Variants in STRN observed in about 807,000 individuals in gnomAD.
STRN encodes protein phosphatase 2 regulatory subunit B'''alpha.
A neutral mutation model predicts 96.3 loss-of-function variants in STRN; 53 were observed. The ratio of observed to expected loss-of-function variants is 0.55; its 90% CI spans 0.44 to 0.69. The LOEUF is 0.69. STRN is among the 30% of genes least tolerant of loss of function. The probability of loss-of-function intolerance (pLI) is 0.00; values close to 1 mark genes in which losing one functional copy is unlikely to be tolerated. For synonymous variants in STRN, 428 were observed against 355.9 expected (o/e 1.20, Z -2.28); for missense variants, 987 against 963.9 (o/e 1.02, Z -0.32).
intron 9 of STRN, among the ~76,000 whole-genome samples, chr2:36,882,929 G>T (rs376884293): frequency 1.3e-5 from 2 of 152,188 alleles, no homozygotes; most frequent in East Asian, 1.9e-4. Flanking sequence ...ATCAGACCTT[G>T]TGTCTAAAAG....
chr2:36,939,152 C>T (rs542674009), intron 1 of STRN, among the ~76,000 whole-genome samples: 4 of 151,930 alleles, frequency 2.6e-5, no homozygotes, highest in African/African-American at 9.6e-5. Context: ...CAGGTCAGGT[C>T]GATCTCCTGA....
intron 6 of STRN, among the ~76,000 whole-genome samples, chr2:36,894,622 G>C (rs531558086): frequency 6.6e-6 from 1 of 152,286 alleles, no homozygotes; most frequent in East Asian, 1.9e-4. Flanking sequence ...TGGGCCTAAA[G>C]AAATTAGGAT....
At chr2:36,908,710 A>C (rs570369472) in intron 3 of STRN, among the ~76,000 whole-genome samples, 2 of 152,188 alleles carry the variant, frequency 1.3e-5, no homozygotes. Flanking sequence ...GCAGTGGCTC[A>C]TGCCTGTAAT....
chr2:36,908,519 G>T (rs200667802), intron 3 of STRN, among the ~76,000 whole-genome samples: 1 of 152,146 alleles, frequency 6.6e-6, no homozygotes, highest in Non-Finnish European at 1.5e-5. Flanking sequence ...TGGTTGCCAG[G>T]GGATTAGCGT....
rs1667898873 is a variant in STRN at position 36,839,605 on chromosome 2, A to T, written c.*9851T>A. Among the ~76,000 whole-genome samples the T allele has an allele frequency of 6.6e-6, 1 of 152,224 alleles. No individual in the cohort carries two copies. Among genetic ancestry groups the T allele is most frequent in the Non-Finnish European group, 1.5e-5 (1 of 68,038 alleles). ...GGCAGATCTATTATCCCCATTTCAT[A>T]GATGAGAAGCCAATTTAGAAGAGTT... On this transcript the variant is annotated 3_prime_UTR_variant, in exon 18 of 18. Coordinates refer to ENST00000263918, the MANE Select transcript of STRN (RefSeq NM_003162.4).
At chr2:36,930,685 C>A (rs1429339573) in intron 1 of STRN, among the ~76,000 whole-genome samples, 6 of 151,918 alleles carry the variant, frequency 3.9e-5, no homozygotes, top group Non-Finnish European at 7.4e-5. Context: ...AAACAAAAAA[C>A]AAAGCAAAAC....
chr2:36,914,558 C>T (rs1196177661), intron 3 of STRN, among the ~76,000 whole-genome samples: 1 of 152,150 alleles, frequency 6.6e-6, no homozygotes, highest in Non-Finnish European at 1.5e-5. Flanking sequence ...CAGCACTGAT[C>T]AACTGGCATT....
At chr2:36,899,236 C>T (rs1469054798) in intron 6 of STRN, among the ~76,000 whole-genome samples, 1 of 152,160 alleles carries the variant, frequency 6.6e-6, no homozygotes. Context: ...AATAACCCTG[C>T]ATTGTTATAA....
intron 14 of STRN, among the ~76,000 whole-genome samples, chr2:36,856,695 A>C (rs950483171): frequency 6.6e-6 from 1 of 152,174 alleles, no homozygotes; most frequent in African/African-American, 2.4e-5. Flanking sequence ...GAAATGTTCT[A>C]TCTCTCATAC....
intron 10 of STRN, among the ~76,000 whole-genome samples, chr2:36,876,072 C>T (rs936701317): frequency 2.0e-5 from 3 of 151,932 alleles, no homozygotes; most frequent in Admixed American, 2.0e-4. Flanking sequence ...AGTTTGAGAC[C>T]AGTCTGAGCA....
At position 36,904,838 on chromosome 2, in the gene STRN, CTGAA is replaced by C. The variant is rs150507744; in HGVS notation, c.491+698_491+701del. On this transcript the variant is annotated intron_variant, in intron 4 of 17. Transcript: ENST00000263918. ...GTGAGACTCCATCTCAAATGAATGACTGAATGAATGAATGAATGAATGAATGAAA... is the reference window on the plus strand; with the variant it reads ...GTGAGACTCCATCTCAAATGAATGACTGAATGAATGAATGAATGAATGAAA... 3.3e-3 allele frequency among the ~76,000 whole-genome samples: 505 copies of C among 151,794 alleles called. 1 individual carries two copies. Among genetic ancestry groups the C allele is most frequent in the African/African-American group, 8.3e-3 (342 of 41,422 alleles).
At chr2:36,948,245 G>C (rs1223404413) in intron 1 of STRN, among the ~76,000 whole-genome samples, 2 of 151,606 alleles carry the variant, frequency 1.3e-5, no homozygotes, top group African/African-American at 4.9e-5. Flanking sequence ...GGGATTACAG[G>C]CATGTGCCAC....
chr2:36,850,536 T>C (rs1668193050), intron 16 of STRN, among the ~76,000 whole-genome samples: 1 of 152,144 alleles, frequency 6.6e-6, no homozygotes, highest in African/African-American at 2.4e-5. Context: ...AGGTTTTCCA[T>C]CCGCAACACT....
rs555118612 is a variant in STRN, at chr2:36,848,026, A to G, written c.*1430T>C. The G allele has an allele frequency of 2.6e-5, 4 of 152,320 alleles. No homozygotes were observed. The South Asian group carries it at 8.3e-4, about 32-fold the overall frequency. 9.4% of individuals were successfully genotyped at this position (152,320 alleles called of 1,614,324 possible). ...ACAAAGAGTAAGAGAGACATAAACC[A>G]CTATAGAAATAATGTCTTTATGACA... On this transcript the variant is annotated 3_prime_UTR_variant, in exon 18 of 18. Transcript: ENST00000263918.
At chr2:36,946,839 T>C (rs923560194) in intron 1 of STRN, among the ~76,000 whole-genome samples, 1 of 152,256 alleles carries the variant, frequency 6.6e-6, no homozygotes, top group Non-Finnish European at 1.5e-5. Context: ...TGATAGTTTC[T>C]AGTCAATGAT....
At chr2:36,891,678 G>A (rs1192923005) in intron 7 of STRN, among the ~76,000 whole-genome samples, 1 of 152,162 alleles carries the variant, frequency 6.6e-6, no homozygotes, top group Non-Finnish European at 1.5e-5. Context: ...ATTTACAGAG[G>A]AAGAACATTT....
chr2:36,877,754 T>C (rs1668952354), intron 10 of STRN, 137 bp downstream of exon 10: 3 of 897,150 alleles, frequency 3.3e-6, no homozygotes, highest in Admixed American at 2.8e-5. Flanking sequence ...CAGGCTGGTT[T>C]TGAACTCCTG....
At chr2:36,941,716 A>ATT (rs34746648) in intron 1 of STRN, among the ~76,000 whole-genome samples, 2 of 134,844 alleles carry the variant, frequency 1.5e-5, no homozygotes, top group Non-Finnish European at 1.6e-5. Context: ...CACCCAGCTA[A>ATT]TTTTTTTTTT....
intron 10 of STRN, among the ~76,000 whole-genome samples, chr2:36,874,557 A>G (rs1668850604): frequency 6.6e-6 from 1 of 152,086 alleles, no homozygotes. Context: ...GAACTTCAAG[A>G]AACTTAAATA....
Sources: gnomAD v4.1 joint callset for allele counts (sites outside exome capture counted in the v4.1 genomes callset) on GRCh38, gnomAD v4.1.1 for gene constraint, MANE v1.5 for transcripts, NCBI Gene and HGNC (gene_info 2026-07-23, HGNC 2026-07-21) for gene names.